The following CDKL3 variants were observed in gnomAD, a reference collection of about 807,000 sequenced individuals.
CDKL3 encodes cyclin-dependent kinase-like 3.
CDKL3 carries 65 observed loss-of-function variants against 69.3 expected under a neutral mutation model. The observed-to-expected ratio is 0.94, with a 90% CI of 0.77 to 1.15. CDKL3 has a LOEUF of 1.15. Among genes scored for constraint, CDKL3 ranks in the 50% most tolerant of loss-of-function variants. The probability of loss-of-function intolerance (pLI) is 0.00; values close to 1 mark genes in which losing one functional copy is unlikely to be tolerated. For missense variants in CDKL3, 652 were observed against 689.2 expected, an observed-to-expected ratio of 0.95 and a Z score of 0.61; for synonymous variants, 202 against 221.6, an observed-to-expected ratio of 0.91 and a Z score of 0.79.
chr5:134,355,698 G>T (rs954369118), intron 3 of CDKL3, among the ~76,000 whole-genome samples: 1 of 151,966 alleles, frequency 6.6e-6, no homozygotes. Flanking sequence ...ATATACACAC[G>T]TGTATACATA....
intron 9 of CDKL3, 48 bp from the exon 10 acceptor site, chr5:134,306,750 C>CATTTTT: frequency 8.9e-6 from 2 of 225,838 alleles, no homozygotes; most frequent in South Asian, 3.1e-5. Context: ...CCCAGAAATG[C>CATTTTT]TTTTTTTTTT....
intron 4 of CDKL3, among the ~76,000 whole-genome samples, chr5:134,332,118 T>C (rs1413362753): frequency 1.3e-5 from 2 of 152,258 alleles, no homozygotes; most frequent in Non-Finnish European, 2.9e-5. Context: ...TCTGTTCATA[T>C]CCTTTGCCCA....
downstream of CDKL3, among the ~76,000 whole-genome samples, chr5:134,295,682 CTTTG>C (rs1326540529): frequency 6.6e-6 from 1 of 152,058 alleles, no homozygotes; most frequent in African/African-American, 2.4e-5. Flanking sequence ...TTATGTTTTC[CTTTG>C]TTTTTCATGT....
rs1580793692 is a variant in CDKL3, at chr5:134,302,014, ATCTC to A, written c.1719+572_1719+575del. The A allele has an allele frequency of 1.8e-5, 7 of 382,036 alleles. No homozygotes were observed. The East Asian group carries it at 5.0e-4, about 28-fold the overall frequency. The allele number at this position is 382,036 out of a possible 1,614,324, so 23.7% of individuals were successfully genotyped here. A position where few individuals can be genotyped will look rare whatever the true frequency, so the allele number is the denominator to read the frequency against. ...TTTAATTCAGTGGGTGCTCAGCACA[ATCTC>A]TCTCTCTTAAAAGACTGTCTTTATA... On this transcript the variant is annotated intron_variant, in intron 12 of 12. Transcript: ENST00000265334.
At chr5:134,355,969 A>G (rs908101234) in intron 3 of CDKL3, among the ~76,000 whole-genome samples, 1 of 152,204 alleles carries the variant, frequency 6.6e-6, no homozygotes, top group African/African-American at 2.4e-5. Flanking sequence ...CAGTTTTTCT[A>G]TGGACCAGGC....
intron 10 of CDKL3, among the ~76,000 whole-genome samples, chr5:134,306,371 C>T (rs765024560): frequency 6.6e-6 from 1 of 151,926 alleles, no homozygotes; most frequent in African/African-American, 2.4e-5. Context: ...GTGGCATGTG[C>T]CTGAAGTCTC....
intron 4 of CDKL3, among the ~76,000 whole-genome samples, chr5:134,329,721 G>A (rs997017173): frequency 7.2e-5 from 11 of 151,938 alleles, no homozygotes; most frequent in South Asian, 6.2e-4. Flanking sequence ...CACCCACCTC[G>A]GCCTCCCAAA....
Position 134,312,160 on chromosome 5 carries a change from C to A in CDKL3, c.881+132G>T, listed in dbSNP as rs992680583. 51 of 643,100 alleles carry A rather than the reference C, an allele frequency of 7.9e-5. No homozygotes were observed. The Admixed American group carries it at 1.3e-3, about 17-fold the overall frequency. 39.8% of individuals were successfully genotyped at this position (643,100 alleles called of 1,614,324 possible). A position where few individuals can be genotyped will look rare whatever the true frequency, so the allele number is the denominator to read the frequency against. On this transcript the variant is annotated intron_variant, in intron 7 of 12. Coordinates refer to ENST00000265334, the MANE Select transcript of CDKL3 (RefSeq NM_001113575.2). ...CTGTCTTCCTAGTCAATACCTGATACAATAACTCAATAAATTTTTGTTAAA... is the reference window on the plus strand; with the variant it reads ...CTGTCTTCCTAGTCAATACCTGATAAAATAACTCAATAAATTTTTGTTAAA...
At chr5:134,298,969 G>T (rs1765649415) in intron 12 of CDKL3, among the ~76,000 whole-genome samples, 2 of 152,044 alleles carry the variant, frequency 1.3e-5, no homozygotes, top group Admixed American at 6.6e-5. Flanking sequence ...CGCCTCCCGG[G>T]TTCAAGCAAT....
At chr5:134,293,310 A>G (rs1190508947) in intron 8 of CDKL3, among the ~76,000 whole-genome samples, 12 of 151,710 alleles carry the variant, frequency 7.9e-5, no homozygotes, top group Admixed American at 7.9e-4. Flanking sequence ...GTGAGCCACC[A>G]CGCCTGGCCT....
chr5:134,357,181 C>T (rs1233915688), intron 3 of CDKL3, among the ~76,000 whole-genome samples: 1 of 152,108 alleles, frequency 6.6e-6, no homozygotes, highest in East Asian at 1.9e-4. Flanking sequence ...CGCGGTGGCT[C>T]ACGCCTGTAA....
intron 12 of CDKL3, chr5:134,302,353 A>G (rs1256231230): frequency 4.3e-6 from 2 of 468,050 alleles, no homozygotes; most frequent in Non-Finnish European, 7.8e-6. Flanking sequence ...CAATACAGAT[A>G]ATATTTTCCC....
intron 3 of CDKL3, among the ~76,000 whole-genome samples, chr5:134,358,351 C>A (rs1460321549): frequency 6.6e-6 from 1 of 152,120 alleles, no homozygotes; most frequent in Non-Finnish European, 1.5e-5. Flanking sequence ...AGCTACAGTT[C>A]AAAATTCTAC....
At chr5:134,334,366 G>T (rs1776542404) in intron 4 of CDKL3, among the ~76,000 whole-genome samples, 1 of 151,938 alleles carries the variant, frequency 6.6e-6, no homozygotes, top group Non-Finnish European at 1.5e-5. Flanking sequence ...ATTTGAATTT[G>T]TTTGCTCTTA....
chr5:134,364,155 AATAC>A (rs1180662156), intron 2 of CDKL3, among the ~76,000 whole-genome samples: 2 of 152,144 alleles, frequency 1.3e-5, no homozygotes, highest in African/African-American at 2.4e-5. Flanking sequence ...CAATAAATAG[AATAC>A]ATACTTATTT....
intron 8 of CDKL3, among the ~76,000 whole-genome samples, chr5:134,291,273 G>A (rs1388114434): frequency 6.6e-6 from 1 of 152,188 alleles, no homozygotes; most frequent in Non-Finnish European, 1.5e-5. Context: ...TTTGGAGTTT[G>A]TGGGTGAAGT....
At chr5:134,309,653 T>TTTTAAAA (rs1172759942) in intron 7 of CDKL3, among the ~76,000 whole-genome samples, 1 of 152,014 alleles carries the variant, frequency 6.6e-6, no homozygotes, top group Non-Finnish European at 1.5e-5. Context: ...TTTGGGAAGG[T>TTTTAAAA]TTTAAAACAT....
chr5:134,315,354 C>T (rs962843371), intron 6 of CDKL3, among the ~76,000 whole-genome samples: 5 of 151,780 alleles, frequency 3.3e-5, no homozygotes, highest in African/African-American at 1.2e-4. Context: ...TTTTTTTATA[C>T]AGGGTCTTGC....
downstream of CDKL3, among the ~76,000 whole-genome samples, chr5:134,285,720 T>C (rs1434529760): frequency 2.0e-5 from 3 of 152,272 alleles, no homozygotes; most frequent in Admixed American, 6.5e-5. Context: ...TTATTATCTA[T>C]TGCATTGTCA....
Sources: gnomAD v4.1 joint callset for allele counts (sites outside exome capture counted in the v4.1 genomes callset) on GRCh38, gnomAD v4.1.1 for gene constraint, MANE v1.5 for transcripts, NCBI Gene and HGNC (gene_info 2026-07-23, HGNC 2026-07-21) for gene names.